RSRC1: variants seen among roughly 807,000 people sequenced by gnomAD.
RSRC1 encodes arginine and serine rich coiled-coil 1.
Under a neutral mutation model 49.1 loss-of-function variants are expected in RSRC1, and 39 were observed. That is an observed-to-expected ratio of 0.79 (90% confidence interval 0.61 to 1.04). The LOEUF is 1.04. Among genes scored for constraint, RSRC1 ranks in the 50% least tolerant of loss-of-function variants. The pLI, the probability that RSRC1 is intolerant of heterozygous loss-of-function variation, is 0.00. For missense variants in RSRC1, 388 were observed against 402.4 expected, an observed-to-expected ratio of 0.96 and a Z score of 0.31; for synonymous variants, 143 against 130.8, an observed-to-expected ratio of 1.09 and a Z score of -0.63.
intron 4 of RSRC1, chr3:158,276,386 T>A: frequency 5.1e-6 from 4 of 778,578 alleles, no homozygotes; most frequent in Non-Finnish European, 9.3e-6. Context: ...CAGGCTGCTT[T>A]CTCCATAGCT....
At chr3:158,354,966 G>A (rs771778634) in intron 6 of RSRC1, 58 bp downstream of exon 6, 18 of 1,148,604 alleles carry the variant, frequency 1.6e-5, no homozygotes, top group Non-Finnish European at 2.2e-5. Context: ...ACCCTAGGCT[G>A]GTAGCATGCT....
At chr3:158,122,927 G>T (rs1327818949) in intron 2 of RSRC1, among the ~76,000 whole-genome samples, 1 of 152,164 alleles carries the variant, frequency 6.6e-6, no homozygotes, top group African/African-American at 2.4e-5. Context: ...TTTTATGGCT[G>T]CGTAGTATTC....
intron 6 of RSRC1, among the ~76,000 whole-genome samples, chr3:158,407,003 T>C (rs1360180481): frequency 1.3e-5 from 2 of 152,094 alleles, no homozygotes; most frequent in African/African-American, 4.8e-5. Context: ...GTATAAGGCA[T>C]GCAGAAAACA....
Position 158,243,510 on chromosome 3 carries a change from G to A in RSRC1, c.494+40265G>A, listed in dbSNP as rs561880768. On this transcript the variant is annotated intron_variant, in intron 4 of 9. Coordinates refer to ENST00000611884, the MANE Select transcript of RSRC1 (RefSeq NM_001271838.2). The stretch of plus-strand genomic sequence containing the variant: ...CTCCAGCTTTGTTCTTTTTGCTTAG[G>A]ATTGCCTTGGCTATTGCAGCTTTTT... Among the ~76,000 whole-genome samples the A allele has an allele frequency of 5.3e-5, 8 of 152,232 alleles. No individual in the cohort carries two copies. In the South Asian group the frequency reaches 8.3e-4, roughly 16 times the overall value.
At chr3:158,382,384 C>T (rs926820098) in intron 6 of RSRC1, among the ~76,000 whole-genome samples, 3 of 152,120 alleles carry the variant, frequency 2.0e-5, no homozygotes, top group Non-Finnish European at 2.9e-5. Flanking sequence ...AAGCCAGTAA[C>T]ACAGTCATTT....
chr3:158,355,042 T>C, intron 6 of RSRC1, 134 bp downstream of exon 6: 1 of 541,440 alleles, frequency 1.8e-6, no homozygotes, highest in Admixed American at 3.8e-5. Flanking sequence ...ATCTAGATTA[T>C]ATGTATGGCC....
intron 4 of RSRC1, among the ~76,000 whole-genome samples, chr3:158,268,801 T>A (rs533135905): frequency 3.9e-5 from 6 of 152,320 alleles, no homozygotes; most frequent in Middle Eastern, 3.4e-3. Context: ...ATACTGTGAC[T>A]TGAGATAATT....
At chr3:158,437,742 C>A (rs1383476944) in intron 6 of RSRC1, among the ~76,000 whole-genome samples, 1 of 152,150 alleles carries the variant, frequency 6.6e-6, no homozygotes, top group African/African-American at 2.4e-5. Context: ...GAAGCATTCC[C>A]TTTGAAAGCC....
intron 6 of RSRC1, among the ~76,000 whole-genome samples, chr3:158,393,355 C>A (rs73170371): frequency 0.069 from 10,494 of 151,610 alleles, 440 homozygotes; most frequent in South Asian, 0.11. Context: ...CACACACACA[C>A]AAAAAATCAT....
chr3:158,133,341 G>A (rs1716159990), intron 3 of RSRC1, among the ~76,000 whole-genome samples: 1 of 152,020 alleles, frequency 6.6e-6, no homozygotes, highest in Non-Finnish European at 1.5e-5. Context: ...TGTGCTTAGA[G>A]AGCAATTATT....
chr3:158,466,729 G>T (rs753971989), intron 7 of RSRC1, among the ~76,000 whole-genome samples: 1 of 152,148 alleles, frequency 6.6e-6, no homozygotes, highest in African/African-American at 2.4e-5. Flanking sequence ...GATAAAAGCT[G>T]CCTGGAATCA....
chr3:158,518,132 A>ATG, intron 7 of RSRC1, among the ~76,000 whole-genome samples: 1 of 81,958 alleles, frequency 1.2e-5, no homozygotes, highest in Admixed American at 1.2e-4. Flanking sequence ...GTGTGTATAT[A>ATG]TATATATATA....
intron 4 of RSRC1, among the ~76,000 whole-genome samples, chr3:158,289,403 C>T (rs1242765070): frequency 2.0e-5 from 3 of 152,178 alleles, no homozygotes; most frequent in Non-Finnish European, 2.9e-5. Flanking sequence ...TTAATTTGAA[C>T]TTGTCCTGAC....
chr3:158,282,316 T>C (rs1191516570), intron 4 of RSRC1, among the ~76,000 whole-genome samples: 2 of 152,222 alleles, frequency 1.3e-5, no homozygotes, highest in South Asian at 4.1e-4. Context: ...TGGCCTGTTT[T>C]ATGTGACAAT....
intron 7 of RSRC1, among the ~76,000 whole-genome samples, chr3:158,463,480 C>T (rs889476678): frequency 2.0e-5 from 3 of 152,062 alleles, no homozygotes; most frequent in African/African-American, 7.2e-5. Flanking sequence ...CCTTTATTTT[C>T]AGTCTGTAAG....
At chr3:158,329,411 T>A (rs918679341) in intron 5 of RSRC1, among the ~76,000 whole-genome samples, 38 of 152,198 alleles carry the variant, frequency 2.5e-4, no homozygotes, top group Admixed American at 3.9e-4. Context: ...ACAGTTGGGG[T>A]CTTGGTGTGG....
At chr3:158,368,137 A>T (rs768105580) in intron 6 of RSRC1, among the ~76,000 whole-genome samples, 3 of 152,316 alleles carry the variant, frequency 2.0e-5, no homozygotes, top group Non-Finnish European at 4.4e-5. Flanking sequence ...GTTAATTTTG[A>T]GAGGGTGATA....
intron 3 of RSRC1, among the ~76,000 whole-genome samples, chr3:158,145,523 T>C (rs1370356179): frequency 2.0e-5 from 3 of 152,364 alleles, no homozygotes; most frequent in Admixed American, 6.5e-5. Context: ...CATGCTGTTT[T>C]GGTTACTGTA....
intron 3 of RSRC1, among the ~76,000 whole-genome samples, chr3:158,136,421 T>G (rs1317428497): frequency 6.6e-6 from 1 of 152,096 alleles, no homozygotes; most frequent in Non-Finnish European, 1.5e-5. Context: ...TTGGTAAACT[T>G]CTACTTGCTC....
Sources: gnomAD v4.1 joint callset for allele counts (sites outside exome capture counted in the v4.1 genomes callset) on GRCh38, gnomAD v4.1.1 for gene constraint, MANE v1.5 for transcripts, NCBI Gene and HGNC (gene_info 2026-07-23, HGNC 2026-07-21) for gene names.